Variants in PPIL3 observed in about 807,000 individuals in gnomAD.
PPIL3 encodes the protein peptidylprolyl isomerase like 3.
PPIL3 carries 13 observed loss-of-function variants against 20.9 expected under a neutral mutation model. The ratio of observed to expected loss-of-function variants is 0.62; its 90% CI spans 0.40 to 0.99. The LOEUF is 0.99. PPIL3 is among the 50% of genes least tolerant of loss of function. The pLI, the probability that PPIL3 is intolerant of heterozygous loss-of-function variation, is 0.00. For missense variants in PPIL3, 170 were observed against 195.2 expected (o/e 0.87, Z 0.77); for synonymous variants, 71 against 64.4 (o/e 1.10, Z -0.49).
At chr2:200,876,102 A>T (rs906864386) in intron 6 of PPIL3, among the ~76,000 whole-genome samples, 12 of 152,144 alleles carry the variant, frequency 7.9e-5, no homozygotes, top group Middle Eastern at 3.4e-3. Context: ...AGCCTGGGCA[A>T]CATAGTGAGA....
At chr2:200,879,478 C>CT (rs1382331672) in intron 5 of PPIL3, among the ~76,000 whole-genome samples, 2 of 152,102 alleles carry the variant, frequency 1.3e-5, no homozygotes, top group Non-Finnish European at 2.9e-5. Context: ...AAAATATAGT[C>CT]TAAGTCCTAA....
intron 3 of PPIL3, 75 bp downstream of exon 3, chr2:200,885,623 G>T: frequency 1.1e-6 from 1 of 947,156 alleles, no homozygotes; most frequent in Non-Finnish European, 1.7e-6. Flanking sequence ...TTGTTATTTA[G>T]GTTAGATTAT....
intron 5 of PPIL3, among the ~76,000 whole-genome samples, chr2:200,880,408 A>ATTTTTT (rs2039681301): frequency 9.5e-6 from 1 of 105,322 alleles, no homozygotes; most frequent in African/African-American, 5.8e-5. Context: ...GATTGAGTAG[A>ATTTTTT]CTTTTTTTTT....
intron 2 of PPIL3, among the ~76,000 whole-genome samples, chr2:200,886,363 C>T (rs2124838697): frequency 6.6e-6 from 1 of 151,628 alleles, no homozygotes; most frequent in South Asian, 2.1e-4. Context: ...ACCTGTATAC[C>T]CCTTGATATG....
Position 200,871,489 on chromosome 2 carries a change from A to C in PPIL3, c.392T>G (p.Leu131Trp), listed in dbSNP as rs777882184. ...VIDGLETLDE[L>W]EKLPVNEKTY... is the part of the protein sequence containing the mutation. ...CTTCTCATTTACTGGCAACTTCTCCAACTCATCTAGAGTTTCCAGACCATC... is the reference window on the plus strand; with the variant it reads ...CTTCTCATTTACTGGCAACTTCTCCCACTCATCTAGAGTTTCCAGACCATC... The change falls in exon 7 of 7, where the codon TTG (leucine) becomes TGG (tryptophan). Residue 131 changes from leucine (L) to tryptophan (W), a missense_variant. By Grantham distance (61) the Leu-to-Trp change is moderately conservative (BLOSUM62 -2). Coordinates refer to ENST00000392283, the MANE Select transcript of PPIL3 (RefSeq NM_130906.3). 6.2e-7 allele frequency: 1 copy of C among 1,612,876 alleles called. No individual in the cohort carries two copies. The highest frequency in any genetic ancestry group is 8.5e-7 in the Non-Finnish European group (1 of 1,178,980).
rs138579911 is a variant in PPIL3 at position 200,875,131 on chromosome 2, G to A, written c.359+1788C>T. Among the ~76,000 whole-genome samples, 97 of 152,296 alleles carry A rather than the reference G, an allele frequency of 6.4e-4. 1 individual carries two copies. The highest frequency in any genetic ancestry group is 3.3e-3 in the Admixed American group (51 of 15,286). Reference sequence around the variant, plus strand: ...CTTAATAGATACCCTGGCAGAAACTGTGAAATACCTTCCTAGGAGCCATTC... The same window carrying A: ...CTTAATAGATACCCTGGCAGAAACTATGAAATACCTTCCTAGGAGCCATTC... On this transcript the variant is annotated intron_variant, in intron 6 of 6. Coordinates refer to ENST00000392283, the MANE Select transcript of PPIL3 (RefSeq NM_130906.3).
Position 200,875,357 on chromosome 2 carries a change from T to C in PPIL3, c.359+1562A>G, listed in dbSNP as rs528078089. The stretch of plus-strand genomic sequence containing the variant: ...ATCTTGGCTCACTGCAATCTCCACC[T>C]CCAGGGTTCAAGCCATTCTCCTGCC... On this transcript the variant is annotated intron_variant, in intron 6 of 6. Coordinates refer to ENST00000392283, the MANE Select transcript of PPIL3 (RefSeq NM_130906.3). Among the ~76,000 whole-genome samples the C allele has an allele frequency of 5.9e-5, 9 of 151,866 alleles. No homozygotes were observed. In the East Asian group the frequency reaches 1.4e-3, roughly 23 times the overall value.
chr2:200,885,068 G>GAA (rs1161456179), intron 3 of PPIL3: 26 of 50,274 alleles, frequency 5.2e-4, no homozygotes, highest in Admixed American at 7.4e-4. Context: ...TCCGTCTTGA[G>GAA]AAAAAAAAAA....
intron 3 of PPIL3, among the ~76,000 whole-genome samples, chr2:200,882,976 CT>C (rs1202954924): frequency 6.6e-6 from 1 of 151,618 alleles, no homozygotes; most frequent in Non-Finnish European, 1.5e-5. Flanking sequence ...GGCTCATCTC[CT>C]CATCACATAT....
intron 6 of PPIL3, among the ~76,000 whole-genome samples, chr2:200,872,930 T>C (rs1559334199): frequency 6.6e-6 from 1 of 151,228 alleles, no homozygotes; most frequent in Non-Finnish European, 1.5e-5. Context: ...TGGAGTGCAA[T>C]GGTGTGATCT....
At chr2:200,883,231 G>A (rs999135273) in intron 3 of PPIL3, among the ~76,000 whole-genome samples, 1 of 148,284 alleles carries the variant, frequency 6.7e-6, no homozygotes, top group African/African-American at 2.5e-5. Context: ...TGGAATTACA[G>A]GTGTGAGCCA....
chr2:200,872,198 T>C (rs1045196756), intron 6 of PPIL3, among the ~76,000 whole-genome samples: 3 of 152,190 alleles, frequency 2.0e-5, no homozygotes, highest in East Asian at 1.9e-4. Context: ...AAATGGCTCA[T>C]AGAACTTAGG....
intron 4 of PPIL3, 107 bp downstream of exon 4, chr2:200,882,231 TAAAC>T: frequency 1.3e-6 from 1 of 768,902 alleles, no homozygotes; most frequent in South Asian, 1.6e-5. Context: ...CAGAACTTAT[TAAAC>T]AAAACAAAAC....
In PPIL3 at chr2:200,881,488, C is replaced by T. The variant is rs2039722111; in HGVS notation, c.173G>A (p.Gly58Glu). The change falls in exon 5 of 7, where the codon GGA becomes GAA. Residue 58 changes from glycine to glutamate, a missense_variant and splice_region_variant. By Grantham distance (98) the Gly-to-Glu change is moderately conservative. Coordinates refer to ENST00000392283, the MANE Select transcript of PPIL3 (RefSeq NM_130906.3). ...AATACTGTTGCCTCCTCTTCCAGTT[C>T]CTACATTACAAGTGAAGCAAATCAA... Reference protein sequence around the residue: ...GFMVQTGDPTGTGRGGNSIWG... With the variant: ...GFMVQTGDPTETGRGGNSIWG... 3 of 1,611,320 alleles carry T rather than the reference C, an allele frequency of 1.9e-6. No homozygotes were observed. The East Asian group carries it at 6.7e-5, about 36-fold the overall frequency.
At chr2:200,877,771 T>TA (rs1399084800) in intron 5 of PPIL3, among the ~76,000 whole-genome samples, 2 of 152,312 alleles carry the variant, frequency 1.3e-5, no homozygotes, top group Admixed American at 6.5e-5. Context: ...TAAATATATA[T>TA]TTTTTAACTA....
intron 1 of PPIL3, 146 bp from the exon 2 acceptor site, chr2:200,887,831 T>A: frequency 2.7e-6 from 1 of 365,570 alleles, no homozygotes; most frequent in Non-Finnish European, 4.9e-6. Context: ...CCGAGGCGGG[T>A]GGATCACTTG....
chr2:200,885,745 C>A lies in PPIL3; in HGVS notation c.31G>T (p.Asp11Tyr), dbSNP rs150920634. MSVTLHTDVG[D>Y]IKIEVFCERT... The stretch of plus-strand genomic sequence containing the variant: ...TCACAGAAGACTTCAATTTTAATAT[C>A]ACCTACATCTGTATGCAGTGTCACA... Residue 11 changes from aspartate to tyrosine, a missense_variant, in exon 3 of 7, where the codon GAT becomes TAT. Physicochemically the swap from Asp to Tyr is radical, Grantham distance 160. Coordinates refer to ENST00000392283, the MANE Select transcript of PPIL3 (RefSeq NM_130906.3). The A allele has an allele frequency of 4.6e-4, 730 of 1,594,256 alleles. 3 individuals carry two copies. The highest frequency in any genetic ancestry group is 2.6e-5 in the Non-Finnish European group (30 of 1,164,504).
At chr2:200,882,004 A>G (rs909848124) in intron 4 of PPIL3, among the ~76,000 whole-genome samples, 13 of 152,220 alleles carry the variant, frequency 8.5e-5, no homozygotes, top group African/African-American at 3.1e-4. Flanking sequence ...ATTCTCACTC[A>G]TAAGTGGGAG....
chr2:200,874,444 A>T (rs1429951314), intron 6 of PPIL3, among the ~76,000 whole-genome samples: 1 of 152,196 alleles, frequency 6.6e-6, no homozygotes, highest in Admixed American at 6.5e-5. Context: ...GCAGTTAAGT[A>T]GAGTCAAGTA....
Sources: allele counts gnomAD v4.1 joint callset (sites outside exome capture counted in the v4.1 genomes callset), GRCh38; gene constraint gnomAD v4.1.1; transcripts MANE v1.5; gene names NCBI Gene and HGNC (gene_info 2026-07-23, HGNC 2026-07-21).